SPOCK3: variants seen among roughly 807,000 people sequenced by gnomAD.
SPOCK3 encodes testican-3.
A neutral mutation model predicts 56.6 loss-of-function variants in SPOCK3; 30 were observed. That is an observed-to-expected ratio of 0.53 (90% CI 0.40 to 0.72). The LOEUF (loss-of-function observed/expected upper bound fraction) is 0.72, where lower values mean the gene tolerates loss of function less well. Ranked by LOEUF, SPOCK3 falls within the 30% of genes least tolerant of loss-of-function variation. SPOCK3 has a pLI of 0.00. For missense variants in SPOCK3, 527 were observed against 530.0 expected (o/e 0.99, Z 0.06); for synonymous variants, 196 against 183.3 (o/e 1.07, Z -0.56).
In SPOCK3 at chr4:166,985,684, A is replaced by G. The variant is rs536178311; in HGVS notation, c.350+14665T>C. ...TTCTTGCACTCAGATGAACACTAGT[A>G]TTATATAATTAGTTGGGAAGGCAAG... On this transcript the variant is annotated intron_variant, in intron 4 of 10. Coordinates refer to ENST00000357545, the MANE Select transcript of SPOCK3 (RefSeq NM_001040159.2). 2.0e-5 allele frequency among the ~76,000 whole-genome samples: 3 copies of G among 152,154 alleles called. No homozygotes were observed. In the South Asian group the frequency reaches 6.2e-4, roughly 31 times the overall value.
intron 10 of SPOCK3, among the ~76,000 whole-genome samples, chr4:166,735,815 G>A (rs1400020555): frequency 6.6e-6 from 1 of 152,050 alleles, no homozygotes; most frequent in East Asian, 1.9e-4. Context: ...AGCTTAGTGA[G>A]ACCTGTGTTG....
At chr4:167,128,310 C>A (rs139561894) in intron 2 of SPOCK3, among the ~76,000 whole-genome samples, 2 of 151,808 alleles carry the variant, frequency 1.3e-5, no homozygotes, top group Admixed American at 1.3e-4. Context: ...TATTGCCAAA[C>A]AAAGGCTTTT....
At chr4:166,848,929 T>C (rs891500788) in intron 6 of SPOCK3, among the ~76,000 whole-genome samples, 3 of 152,238 alleles carry the variant, frequency 2.0e-5, no homozygotes, top group Admixed American at 6.5e-5. Flanking sequence ...ATGTCGTTGA[T>C]TGCTGTTCAA....
intron 6 of SPOCK3, among the ~76,000 whole-genome samples, chr4:166,835,639 C>T (rs909669481): frequency 2.6e-5 from 4 of 152,006 alleles, no homozygotes; most frequent in African/African-American, 4.8e-5. Flanking sequence ...GGGTTCTAAA[C>T]GTTGTTTATC....
rs189978583 is a variant in SPOCK3 at position 167,203,219 on chromosome 4, T to G, written c.189+30766A>C. Among the ~76,000 whole-genome samples, 78 of 152,158 alleles carry G rather than the reference T, an allele frequency of 5.1e-4. 1 individual carries two copies. Among genetic ancestry groups the G allele is most frequent in the African/African-American group, 1.8e-3 (76 of 41,578 alleles). On this transcript the variant is annotated intron_variant, in intron 2 of 10. Transcript: ENST00000357545. ...GTATTACTACAGTAATATAAGGTCA[T>G]GAAAAATTGTATGTATTAGAAATCC...
At chr4:166,904,584 T>A (rs551883391) in intron 5 of SPOCK3, among the ~76,000 whole-genome samples, 14 of 152,174 alleles carry the variant, frequency 9.2e-5, no homozygotes, top group Non-Finnish European at 1.8e-4. Context: ...AATAACATTA[T>A]ATTAGTTGAA....
chr4:167,011,588 T>A (rs1022996866), intron 3 of SPOCK3, among the ~76,000 whole-genome samples: 1 of 152,162 alleles, frequency 6.6e-6, no homozygotes, highest in Non-Finnish European at 1.5e-5. Flanking sequence ...GGATCAATGT[T>A]GTTAAAATAT....
At chr4:166,753,971 A>G in intron 8 of SPOCK3, 1 of 437,320 alleles carries the variant, frequency 2.3e-6, no homozygotes, top group Non-Finnish European at 3.0e-6. Context: ...CCTTAGTATT[A>G]AGACACTTTT....
intron 3 of SPOCK3, among the ~76,000 whole-genome samples, chr4:167,018,763 C>G (rs1423676893): frequency 6.6e-6 from 1 of 151,848 alleles, no homozygotes; most frequent in Non-Finnish European, 1.5e-5. Context: ...TCTGTTTGGT[C>G]CATTTGGAAT....
intron 6 of SPOCK3, among the ~76,000 whole-genome samples, chr4:166,878,914 C>G (rs1733398295): frequency 1.3e-5 from 2 of 152,092 alleles, no homozygotes; most frequent in African/African-American, 4.8e-5. Context: ...TTTGTGAGGA[C>G]TAGATGAAAT....
chr4:166,891,531 A>T (rs552423928), intron 5 of SPOCK3, among the ~76,000 whole-genome samples: 4 of 152,134 alleles, frequency 2.6e-5, no homozygotes, highest in African/African-American at 9.6e-5. Flanking sequence ...CTTTCAAGAG[A>T]ACACTTTCAA....
rs192430070 is a variant in SPOCK3 at position 166,768,247 on chromosome 4, A to G, written c.710-13518T>C. Reference sequence around the variant, plus strand: ...CCTGTCATTATGATGTTAGCTGTTTATTTTGCTCGTTAGTTGATGCAGTTT... The same window carrying G: ...CCTGTCATTATGATGTTAGCTGTTTGTTTTGCTCGTTAGTTGATGCAGTTT... On this transcript the variant is annotated intron_variant, in intron 7 of 10. Coordinates refer to ENST00000357545, the MANE Select transcript of SPOCK3 (RefSeq NM_001040159.2). Among the ~76,000 whole-genome samples, 522 of 152,202 alleles carry G rather than the reference A, an allele frequency of 3.4e-3. 2 individuals are homozygous for G. Among genetic ancestry groups the G allele is most frequent in the African/African-American group, 0.012 (497 of 41,526 alleles).
intron 2 of SPOCK3, among the ~76,000 whole-genome samples, chr4:167,144,710 T>TATCATTTATTACCTA (rs1763795952): frequency 1.5e-5 from 2 of 137,320 alleles, no homozygotes; most frequent in Non-Finnish European, 3.1e-5. Flanking sequence ...GACAGAGCCA[T>TATCATTTATTACCTA]GCAGATATCT....
At chr4:166,978,994 ATTC>A (rs1482714375) in intron 4 of SPOCK3, among the ~76,000 whole-genome samples, 5 of 152,270 alleles carry the variant, frequency 3.3e-5, no homozygotes, top group Admixed American at 1.3e-4. Context: ...ATGTGAATGT[ATTC>A]TTCTTCAAAT....
chr4:166,853,819 T>C (rs916801552), intron 6 of SPOCK3, among the ~76,000 whole-genome samples: 4 of 151,582 alleles, frequency 2.6e-5, no homozygotes, highest in Admixed American at 6.6e-5. Context: ...AAGGCGGAGG[T>C]TGCAGTGAGC....
intron 3 of SPOCK3, among the ~76,000 whole-genome samples, chr4:167,022,364 C>T (rs2150164166): frequency 6.6e-6 from 1 of 152,108 alleles, no homozygotes; most frequent in East Asian, 1.9e-4. Flanking sequence ...CGGAGTAAAC[C>T]AAGAAACCAG....
chr4:167,211,786 G>T (rs1032983665), intron 2 of SPOCK3, among the ~76,000 whole-genome samples: 3 of 152,060 alleles, frequency 2.0e-5, no homozygotes, highest in African/African-American at 7.2e-5. Flanking sequence ...CATGAAAAAG[G>T]ACTAATACAT....
At chr4:167,052,315 C>A (rs550742968) in intron 3 of SPOCK3, among the ~76,000 whole-genome samples, 3 of 152,258 alleles carry the variant, frequency 2.0e-5, no homozygotes, top group African/African-American at 7.2e-5. Flanking sequence ...CTGTTGGTTT[C>A]TAGCTTGAAT....
Position 167,193,319 on chromosome 4 carries a change from G to A in SPOCK3, c.189+40666C>T, listed in dbSNP as rs1212697858. ...GGTTTGTGCTTTGTTAGTACCATGA[G>A]GTTTACATAAAATACCTTTGTTATA... is the stretch of plus-strand genomic sequence containing the variant. On this transcript the variant is annotated intron_variant, in intron 2 of 10. Transcript: ENST00000357545. 2.8e-5 allele frequency among the ~76,000 whole-genome samples: 4 copies of A among 145,032 alleles called. 1 individual carries two copies.
Sources: gnomAD v4.1 joint callset for allele counts (sites outside exome capture counted in the v4.1 genomes callset) on GRCh38, gnomAD v4.1.1 for gene constraint, MANE v1.5 for transcripts, NCBI Gene and HGNC (gene_info 2026-07-23, HGNC 2026-07-21) for gene names.